TSPEAR: variants seen among roughly 807,000 people sequenced by gnomAD.
TSPEAR encodes thrombospondin-type laminin G domain and EAR repeat-containing protein.
A neutral mutation model predicts 71.6 loss-of-function variants in TSPEAR; 69 were observed. The ratio of observed to expected loss-of-function variants is 0.96; its 90% CI spans 0.79 to 1.18. The LOEUF (loss-of-function observed/expected upper bound fraction) is 1.18, where lower values mean the gene tolerates loss of function less well. Ranked by LOEUF, TSPEAR falls within the 50% of genes most tolerant of loss-of-function variation. TSPEAR has a pLI of 0.00. For missense variants in TSPEAR, 971 were observed against 894.9 expected (o/e 1.09, Z -1.09); for synonymous variants, 402 against 387.2 (o/e 1.04, Z -0.45).
chr21:44,630,348 C>T (rs1406656060), intron 1 of TSPEAR, among the ~76,000 whole-genome samples: 1 of 152,178 alleles, frequency 6.6e-6, no homozygotes, highest in South Asian at 2.1e-4. Context: ...TACACAGAGG[C>T]TTGGTCAGAA....
intron 9 of TSPEAR, among the ~76,000 whole-genome samples, chr21:44,514,185 C>T (rs587667888): frequency 1.3e-5 from 2 of 152,336 alleles, no homozygotes; most frequent in East Asian, 3.9e-4. Flanking sequence ...CTCATGCCAC[C>T]CCCTTGACAG....
chr21:44,499,464 T>G lies in TSPEAR; in HGVS notation c.*319A>C. Reference sequence around the variant, plus strand: ...AGGGACATGAACCGAGGTCCTGTTGTTTGAGGTAAAAATGTATAGAAACGG... The same window carrying G: ...AGGGACATGAACCGAGGTCCTGTTGGTTGAGGTAAAAATGTATAGAAACGG... On this transcript the variant is annotated 3_prime_UTR_variant, in exon 12 of 12. Coordinates refer to ENST00000323084, the MANE Select transcript of TSPEAR (RefSeq NM_144991.3). 3.4e-6 allele frequency: 1 copy of G among 297,336 alleles called. No individual in the cohort carries two copies. Among genetic ancestry groups the G allele is most frequent in the East Asian group, 7.8e-5 (1 of 12,754 alleles). 18.4% of individuals were successfully genotyped at this position (297,336 alleles called of 1,614,324 possible). A position where few individuals can be genotyped will look rare whatever the true frequency, so the allele number is the denominator to read the frequency against.
chr21:44,614,705 A>G (rs1981958934), intron 1 of TSPEAR, among the ~76,000 whole-genome samples: 1 of 152,260 alleles, frequency 6.6e-6, no homozygotes, highest in African/African-American at 2.4e-5. Flanking sequence ...CAAGAGTTCA[A>G]GAAGACTCTG....
intron 1 of TSPEAR, among the ~76,000 whole-genome samples, chr21:44,613,876 C>T (rs2146178956): frequency 6.6e-6 from 1 of 152,194 alleles, no homozygotes; most frequent in South Asian, 2.1e-4. Flanking sequence ...ATTTTCAAGG[C>T]TTGTCCCTAA....
chr21:44,604,653 C>T (rs1981195410), intron 1 of TSPEAR, among the ~76,000 whole-genome samples: 1 of 152,230 alleles, frequency 6.6e-6, no homozygotes, highest in African/African-American at 2.4e-5. Context: ...AGTGGGCATC[C>T]TTGCCTTGTT....
intron 1 of TSPEAR, among the ~76,000 whole-genome samples, chr21:44,658,599 T>A (rs1555943075): frequency 6.6e-6 from 1 of 152,152 alleles, no homozygotes; most frequent in African/African-American, 2.4e-5. Context: ...ACATACCAAC[T>A]TCAATGGCAG....
chr21:44,527,265 G>A, intron 7 of TSPEAR, 27 bp downstream of exon 7: 1 of 1,612,358 alleles, frequency 6.2e-7, no homozygotes, highest in South Asian at 1.1e-5. Flanking sequence ...GAAAGGGGAT[G>A]GAGAAAGTCA....
chr21:44,590,949 C>G (rs1979758969), intron 1 of TSPEAR, among the ~76,000 whole-genome samples: 1 of 152,072 alleles, frequency 6.6e-6, no homozygotes, highest in South Asian at 2.1e-4. Context: ...TGCCTCATCC[C>G]ATGCCCCTCG....
intron 1 of TSPEAR, chr21:44,646,393 C>T (rs1984360892): frequency 5.2e-6 from 8 of 1,551,892 alleles, no homozygotes; most frequent in African/African-American, 1.4e-5. Context: ...ACCTCACTCA[C>T]TCACTCACAC....
rs782299333 is a variant in TSPEAR at position 44,499,868 on chromosome 21, G to A, written c.1925C>T (p.Ala642Val). The A allele has an allele frequency of 3.1e-5, 50 of 1,605,208 alleles. No homozygotes were observed. The highest frequency in any genetic ancestry group is 5.9e-6 in the Non-Finnish European group (7 of 1,176,892). Reference protein sequence around the residue: ...LPTVGCRDWEAFSTTAGAYLI... With the variant: ...LPTVGCRDWEVFSTTAGAYLI... ...GTAGGCACCAGCCGTGGTGCTGAAGGCCTCCCAGTCCCTGCAGCCGACGGT... is the reference window on the plus strand; with the variant it reads ...GTAGGCACCAGCCGTGGTGCTGAAGACCTCCCAGTCCCTGCAGCCGACGGT... The change falls in exon 12 of 12, where the codon GCC (alanine) becomes GTC (valine). Residue 642 changes from alanine (A) to valine (V), a missense_variant. Transcript: ENST00000323084.
At chr21:44,707,588 G>A (rs1987999084) in intron 1 of TSPEAR, among the ~76,000 whole-genome samples, 1 of 152,154 alleles carries the variant, frequency 6.6e-6, no homozygotes, top group Admixed American at 6.5e-5. Context: ...GACCATGGGG[G>A]CGGAGCGGGG....
At chr21:44,528,959 T>C (rs782415766) in intron 5 of TSPEAR, among the ~76,000 whole-genome samples, 1 of 152,220 alleles carries the variant, frequency 6.6e-6, no homozygotes, top group Admixed American at 6.5e-5. Flanking sequence ...AACGACGGCT[T>C]GGCTTGAACC....
chr21:44,609,039 G>T (rs192912704), intron 1 of TSPEAR, among the ~76,000 whole-genome samples: 71 of 152,352 alleles, frequency 4.7e-4, no homozygotes, highest in African/African-American at 1.4e-3. Flanking sequence ...AGCAAAAAAA[G>T]AGTGAAGTAC....
At chr21:44,514,567 T>C (rs1555913120) in intron 9 of TSPEAR, among the ~76,000 whole-genome samples, 1 of 152,094 alleles carries the variant, frequency 6.6e-6, no homozygotes, top group African/African-American at 2.4e-5. Flanking sequence ...TGCAACACCT[T>C]CTGAGGTCTG....
intron 2 of TSPEAR, among the ~76,000 whole-genome samples, chr21:44,562,117 A>G (rs1394513396): frequency 1.3e-5 from 2 of 152,196 alleles, no homozygotes; most frequent in African/African-American, 2.4e-5. Context: ...TAAGCTGATA[A>G]GCAACTTCAG....
intron 1 of TSPEAR, among the ~76,000 whole-genome samples, chr21:44,605,260 G>T (rs112375492): frequency 1.3e-4 from 20 of 152,286 alleles, no homozygotes; most frequent in African/African-American, 4.3e-4. Context: ...GGAGGTGAAA[G>T]ATCTGTACAC....
At chr21:44,641,753 A>G (rs1400719158) in intron 1 of TSPEAR, among the ~76,000 whole-genome samples, 1 of 152,216 alleles carries the variant, frequency 6.6e-6, no homozygotes, top group Non-Finnish European at 1.5e-5. Context: ...AAGAAGATCA[A>G]AGTTATGCAA....
intron 1 of TSPEAR, among the ~76,000 whole-genome samples, chr21:44,568,750 A>C (rs1192904907): frequency 6.6e-6 from 1 of 152,148 alleles, no homozygotes; most frequent in Non-Finnish European, 1.5e-5. Flanking sequence ...CAGCTCGGCC[A>C]CTGCAGCTGG....
chr21:44,516,602 T>G (rs1009438189), intron 9 of TSPEAR: 2 of 152,160 alleles, frequency 1.3e-5, no homozygotes, highest in African/African-American at 2.4e-5. Flanking sequence ...GAGTGACACA[T>G]CAGGATCAGC....
Sources: allele counts gnomAD v4.1 joint callset (sites outside exome capture counted in the v4.1 genomes callset), GRCh38; gene constraint gnomAD v4.1.1; transcripts MANE v1.5; gene names NCBI Gene and HGNC (gene_info 2026-07-23, HGNC 2026-07-21).